Variants in ZNF415 observed in about 807,000 individuals in gnomAD.
The protein encoded by ZNF415 is zinc finger protein 415.
ZNF415 carries 5 observed loss-of-function variants against 7.3 expected under a neutral mutation model. The observed-to-expected ratio is 0.69, with a 90% CI of 0.36 to 1.44. The LOEUF (loss-of-function observed/expected upper bound fraction) is 1.44, where lower values mean the gene tolerates loss of function less well. ZNF415 is among the 40% of genes most tolerant of loss of function. ZNF415 has a pLI of 0.04. For synonymous variants in ZNF415, 207 were observed against 226.3 expected (o/e 0.91, Z 0.77); for missense variants, 628 against 664.8 (o/e 0.94, Z 0.61).
At chr19:53,124,682 C>G (rs2088736377) in intron 1 of ZNF415, among the ~76,000 whole-genome samples, 1 of 152,096 alleles carries the variant, frequency 6.6e-6, no homozygotes, top group Admixed American at 6.6e-5. Context: ...ACAGACCATT[C>G]CCAGTCACTA....
At chr19:53,128,290 C>T (rs1049385068) in intron 1 of ZNF415, among the ~76,000 whole-genome samples, 1 of 151,454 alleles carries the variant, frequency 6.6e-6, no homozygotes, top group South Asian at 2.1e-4. Context: ...AGGAATTGCC[C>T]CCAATTTGGG....
At chr19:53,128,070 C>T (rs1402620689) in intron 1 of ZNF415, among the ~76,000 whole-genome samples, 1 of 152,064 alleles carries the variant, frequency 6.6e-6, no homozygotes, top group African/African-American at 2.4e-5. Context: ...CCCGGCTCAT[C>T]TAGAGGCCCA....
At chr19:53,120,988 G>A (rs981560992) in intron 2 of ZNF415, among the ~76,000 whole-genome samples, 10 of 150,816 alleles carry the variant, frequency 6.6e-5, no homozygotes, top group Non-Finnish European at 1.0e-4. Flanking sequence ...GGAGGCTGAG[G>A]CAGGAGAATT....
intron 2 of ZNF415, among the ~76,000 whole-genome samples, chr19:53,121,500 T>G (rs1169033649): frequency 1.3e-5 from 2 of 152,144 alleles, no homozygotes; most frequent in Non-Finnish European, 2.9e-5. Context: ...CGATCTCCAC[T>G]TACTGTAACC....
chr19:53,129,400 A>G (rs575792701), intron 1 of ZNF415, among the ~76,000 whole-genome samples: 66 of 152,268 alleles, frequency 4.3e-4, no homozygotes, highest in Non-Finnish European at 6.8e-4. Context: ...TCATACAGAG[A>G]AAGGCCCCGA....
intron 2 of ZNF415, among the ~76,000 whole-genome samples, chr19:53,119,448 A>AAG (rs1376734505): frequency 7.1e-6 from 1 of 141,536 alleles, no homozygotes; most frequent in Non-Finnish European, 1.5e-5. Context: ...CCATCTCAAA[A>AAG]AAAAAAAAAA....
Position 53,108,489 on chromosome 19 carries a change from G to A in ZNF415, c.1556C>T (p.Thr519Ile). ...PNLTRHQIIH[T>I]GKKPYKCSDC... is the part of the protein sequence containing the mutation. ...ACTACATTTGTAAGGTTTCTTTCCA[G>A]TATGGATTATCTGATGTCTAGTGAG... The change falls in exon 4 of 4, where the codon ACT (threonine) becomes ATT (isoleucine). Residue 519 changes from threonine to isoleucine, a missense_variant. Thr to Ile is a moderately conservative substitution (Grantham distance 89). Transcript: ENST00000243643. 1 of 1,614,146 alleles carries A rather than the reference G, an allele frequency of 6.2e-7. No individual in the cohort carries two copies. Among genetic ancestry groups the A allele is most frequent in the Non-Finnish European group, 8.5e-7 (1 of 1,179,996 alleles).
At chr19:53,122,079 T>C (rs1426848072) in intron 2 of ZNF415, among the ~76,000 whole-genome samples, 1 of 151,860 alleles carries the variant, frequency 6.6e-6, no homozygotes, top group Non-Finnish European at 1.5e-5. Flanking sequence ...AAACCCCGTC[T>C]CTATTAAAAA....
chr19:53,120,681 T>C (rs777968275), intron 2 of ZNF415, among the ~76,000 whole-genome samples: 11 of 152,090 alleles, frequency 7.2e-5, no homozygotes, highest in Non-Finnish European at 1.6e-4. Flanking sequence ...GAAAAAGGAG[T>C]TCTGCTCTGA....
At chr19:53,121,077 CAAAAAAAAAAAAAA>C in intron 2 of ZNF415, among the ~76,000 whole-genome samples, 1 of 40,356 alleles carries the variant, frequency 2.5e-5, no homozygotes, top group African/African-American at 1.1e-4. Context: ...GAGGAAGACT[CAAAAAAAAAAAAAA>C]AAAAAAAAAA....
intron 2 of ZNF415, among the ~76,000 whole-genome samples, chr19:53,119,512 A>G (rs10418422): frequency 0.083 from 12,545 of 150,816 alleles, 553 homozygotes; most frequent in East Asian, 0.12. Flanking sequence ...GGAACTAAGA[A>G]AGCAAGAACA....
chr19:53,122,858 C>A lies in ZNF415; in HGVS notation c.-67-115G>T, dbSNP rs537281531. On this transcript the variant is annotated intron_variant, in intron 1 of 3. Coordinates refer to ENST00000243643, the MANE Select transcript of ZNF415 (RefSeq NM_018355.4). ...GCCCTGTGCAAAGACGGTCCTCTGC[C>A]GCCCACTACACCAGGGTGGCCCCAG... is the stretch of plus-strand genomic sequence containing the variant. 76 of 751,648 alleles carry A rather than the reference C, an allele frequency of 1.0e-4. 3 individuals carry two copies. The South Asian group carries it at 1.4e-3, about 14-fold the overall frequency. 46.6% of individuals were successfully genotyped at this position (751,648 alleles called of 1,614,324 possible).
chr19:53,124,238 CA>C (rs35871986), intron 1 of ZNF415: 36 of 144,654 alleles, frequency 2.5e-4, no homozygotes, highest in South Asian at 1.3e-3. Flanking sequence ...AACTCCGTCT[CA>C]AAAAAAAAAA....
chr19:53,109,223 A>G lies in ZNF415; in HGVS notation c.822T>C (p.Cys274=), dbSNP rs1246543707. The part of the protein sequence containing the change: ...RVHTGEKPYK[C]NECDRSFSRN... ...GACTGAAACTTCTGTCACATTCATT[A>G]CATTTGTATGGTTTCTCTCCAGTAT... The change falls in exon 4 of 4, where the codon TGT becomes TGC. Residue 274 remains cysteine (C), a synonymous_variant. Transcript: ENST00000243643. 6.2e-7 allele frequency: 1 copy of G among 1,613,848 alleles called. No homozygotes were observed. Among genetic ancestry groups the G allele is most frequent in the Non-Finnish European group, 8.5e-7 (1 of 1,179,930 alleles).
rs569301330 is a variant in ZNF415 at position 53,114,199 on chromosome 19, C to T, written c.136+2114G>A. Among the ~76,000 whole-genome samples the T allele has an allele frequency of 1.2e-3, 189 of 151,608 alleles. 1 individual carries two copies. The highest frequency in any genetic ancestry group is 4.1e-3 in the African/African-American group (170 of 41,346). On this transcript the variant is annotated intron_variant, in intron 3 of 3. Transcript: ENST00000243643. ...AAGCTGGGTTTGTTTTTTTTTGAAA[C>T]GGAGTCTCACTCTGTTACTCAGGCT...
intron 3 of ZNF415, among the ~76,000 whole-genome samples, chr19:53,111,221 G>A (rs1243175361): frequency 6.6e-6 from 1 of 152,128 alleles, no homozygotes; most frequent in Admixed American, 6.6e-5. Flanking sequence ...CATCATGTGG[G>A]ACAGTCAGCG....
chr19:53,121,200 C>G (rs531139433), intron 2 of ZNF415, among the ~76,000 whole-genome samples: 1 of 151,440 alleles, frequency 6.6e-6, no homozygotes, highest in Admixed American at 6.6e-5. Context: ...TCAAGACCAG[C>G]CTGGCCAACA....
intron 2 of ZNF415, 54 bp from the exon 3 acceptor site, chr19:53,116,487 A>G (rs202085272): frequency 2.5e-6 from 4 of 1,607,262 alleles, no homozygotes. Flanking sequence ...GGGAGTTACC[A>G]TCTTCACACA....
Position 53,108,994 on chromosome 19 carries a change from T to C in ZNF415, c.1051A>G (p.Ser351Gly). The C allele has an allele frequency of 1.9e-6, 3 of 1,614,160 alleles. No individual in the cohort carries two copies. Among genetic ancestry groups the C allele is most frequent in the Admixed American group, 1.7e-5 (1 of 60,018 alleles). Residue 351 changes from serine (S) to glycine (G), a missense_variant, in exon 4 of 4, where the codon AGT (serine) becomes GGT (glycine). Physicochemically the swap from Ser to Gly is moderately conservative, Grantham distance 56 (BLOSUM62 0). Coordinates refer to ENST00000243643, the MANE Select transcript of ZNF415 (RefSeq NM_018355.4). ...TTGCATTTGTAAGGTTTCTTGCCAC[T>C]ATGAATTACCTGATGGTTGGTAAGT... ...STLTNHQVIH[S>G]GKKPYKCNEC... is the part of the protein sequence containing the mutation.
Sources: gnomAD v4.1 joint callset for allele counts (sites outside exome capture counted in the v4.1 genomes callset) on GRCh38, gnomAD v4.1.1 for gene constraint, MANE v1.5 for transcripts, NCBI Gene and HGNC (gene_info 2026-07-23, HGNC 2026-07-21) for gene names.